SERINC5: variants seen among roughly 807,000 people sequenced by gnomAD.
SERINC5 encodes the protein serine incorporator 5.
SERINC5 carries 41 observed loss-of-function variants against 63.1 expected under a neutral mutation model. The ratio of observed to expected loss-of-function variants is 0.65; its 90% CI spans 0.51 to 0.84. The LOEUF is 0.84. Ranked by LOEUF, SERINC5 falls within the 40% of genes least tolerant of loss-of-function variation. The probability of loss-of-function intolerance (pLI) is 0.00; values close to 1 mark genes in which losing one functional copy is unlikely to be tolerated. For synonymous variants in SERINC5, 222 were observed against 215.2 expected, an observed-to-expected ratio of 1.03 and a Z score of -0.28; for missense variants, 523 against 573.0, an observed-to-expected ratio of 0.91 and a Z score of 0.89.
intron 7 of SERINC5, among the ~76,000 whole-genome samples, chr5:80,165,049 T>A (rs1747197549): frequency 6.6e-6 from 1 of 151,886 alleles, no homozygotes; most frequent in Non-Finnish European, 1.5e-5. Context: ...AGCCTTTTTT[T>A]TCTGTTTTAA....
intron 2 of SERINC5, among the ~76,000 whole-genome samples, chr5:80,196,440 T>C (rs1749504395): frequency 6.6e-6 from 1 of 152,184 alleles, no homozygotes; most frequent in Non-Finnish European, 1.5e-5. Flanking sequence ...CTGGTGGGAA[T>C]GGAAAATGAT....
intron 11 of SERINC5, among the ~76,000 whole-genome samples, chr5:80,131,185 G>A (rs182305019): frequency 1.1e-4 from 16 of 152,194 alleles, no homozygotes; most frequent in African/African-American, 3.4e-4. Flanking sequence ...AGAGGTAACT[G>A]AATCATGGGA....
intron 1 of SERINC5, among the ~76,000 whole-genome samples, chr5:80,223,742 G>A (rs1362317253): frequency 6.6e-6 from 1 of 152,206 alleles, no homozygotes; most frequent in Non-Finnish European, 1.5e-5. Context: ...GAGCTTGGCA[G>A]GGTGGGTAGC....
intron 2 of SERINC5, among the ~76,000 whole-genome samples, chr5:80,201,026 G>C (rs1015331109): frequency 3.9e-5 from 6 of 152,100 alleles, no homozygotes; most frequent in Non-Finnish European, 8.8e-5. Context: ...TTGAACCTGG[G>C]AGGCGGAGGC....
Position 80,187,123 on chromosome 5 carries a change from G to T in SERINC5, c.196-9059C>A, listed in dbSNP as rs1026978439. ...AGAGGTTGCAGTGAGCTGAGATCAC[G>T]CCACTGCACTCCAGCTTGGGTGACA... On this transcript the variant is annotated intron_variant, in intron 2 of 11. Transcript: ENST00000507668. Among the ~76,000 whole-genome samples the T allele has an allele frequency of 5.9e-5, 9 of 151,956 alleles. 1 individual carries two copies. The highest frequency in any genetic ancestry group is 1.9e-4 in the African/African-American group (8 of 41,336).
intron 11 of SERINC5, 89 bp from the exon 12 acceptor site, chr5:80,143,899 C>T: frequency 7.1e-7 from 1 of 1,413,138 alleles, no homozygotes; most frequent in Non-Finnish European, 9.5e-7. Context: ...ATGTATAATT[C>T]AACGGCTTTC....
intron 1 of SERINC5, among the ~76,000 whole-genome samples, chr5:80,222,944 C>T (rs970569862): frequency 3.3e-4 from 50 of 152,128 alleles, no homozygotes; most frequent in Non-Finnish European, 1.0e-4. Flanking sequence ...ACTGCAGCCT[C>T]GACCTCCTGG....
intron 2 of SERINC5, among the ~76,000 whole-genome samples, chr5:80,181,124 C>G (rs540154785): frequency 1.2e-3 from 186 of 152,158 alleles, no homozygotes; most frequent in African/African-American, 4.3e-3. Flanking sequence ...GGGCAAGGTG[C>G]GAGGGGACAG....
intron 8 of SERINC5, among the ~76,000 whole-genome samples, chr5:80,156,637 A>C (rs1005762752): frequency 6.6e-6 from 1 of 152,222 alleles, no homozygotes; most frequent in Non-Finnish European, 1.5e-5. Context: ...TTACGAATTC[A>C]ATAACAATGT....
intron 1 of SERINC5, among the ~76,000 whole-genome samples, chr5:80,230,199 G>A (rs1281832477): frequency 3.9e-5 from 6 of 152,076 alleles, no homozygotes; most frequent in Non-Finnish European, 5.9e-5. Context: ...GGCCAGGCAC[G>A]GTGGTTCATA....
intron 1 of SERINC5, among the ~76,000 whole-genome samples, chr5:80,247,994 G>GCA (rs1307321342): frequency 6.6e-6 from 1 of 151,708 alleles, no homozygotes; most frequent in Admixed American, 6.6e-5. Flanking sequence ...GACTATATAG[G>GCA]CACACACACC....
intron 5 of SERINC5, 63 bp from the exon 6 acceptor site, chr5:80,169,609 T>C: frequency 7.4e-7 from 1 of 1,348,424 alleles, no homozygotes; most frequent in South Asian, 1.3e-5. Flanking sequence ...AGCCCACCAT[T>C]CTGCGGTAAC....
At chr5:80,219,054 C>A (rs905235847) in intron 1 of SERINC5, among the ~76,000 whole-genome samples, 21 of 152,308 alleles carry the variant, frequency 1.4e-4, no homozygotes, top group African/African-American at 4.8e-4. Context: ...ATATTTTTCA[C>A]ATAAATACAT....
At chr5:80,197,188 A>C (rs1749558868) in intron 2 of SERINC5, among the ~76,000 whole-genome samples, 1 of 151,996 alleles carries the variant, frequency 6.6e-6, no homozygotes, top group African/African-American at 2.4e-5. Flanking sequence ...GTCTCTACTA[A>C]AATTATAAAA....
downstream of SERINC5, among the ~76,000 whole-genome samples, chr5:80,138,499 G>C (rs1047334523): frequency 6.6e-6 from 1 of 152,106 alleles, no homozygotes; most frequent in African/African-American, 2.4e-5. Context: ...GGGAGGTTGA[G>C]GCAAGAGAAT....
At chr5:80,221,115 G>A (rs1209919369) in intron 1 of SERINC5, among the ~76,000 whole-genome samples, 1 of 152,166 alleles carries the variant, frequency 6.6e-6, no homozygotes, top group Non-Finnish European at 1.5e-5. Context: ...GGGGGCTCAT[G>A]AACAGCTGCC....
At chr5:80,134,251 C>A (rs150977310), downstream of SERINC5, among the ~76,000 whole-genome samples, 1 of 151,960 alleles carries the variant, frequency 6.6e-6, no homozygotes, top group African/African-American at 2.4e-5. Flanking sequence ...GTTGGAAGGC[C>A]GAGGCAGGCA....
chr5:80,212,524 A>G (rs1241699320), intron 1 of SERINC5, among the ~76,000 whole-genome samples: 1 of 152,056 alleles, frequency 6.6e-6, no homozygotes, highest in Non-Finnish European at 1.5e-5. Flanking sequence ...ACACTTCTCT[A>G]CTTTGGAGAG....
intron 1 of SERINC5, among the ~76,000 whole-genome samples, chr5:80,214,583 C>T (rs1750581934): frequency 6.7e-6 from 1 of 150,046 alleles, no homozygotes; most frequent in Non-Finnish European, 1.5e-5. Flanking sequence ...AACAAAAAAA[C>T]ACCTCCTGTA....
Sources: allele counts gnomAD v4.1 joint callset (sites outside exome capture counted in the v4.1 genomes callset), GRCh38; gene constraint gnomAD v4.1.1; transcripts MANE v1.5; gene names NCBI Gene and HGNC (gene_info 2026-07-23, HGNC 2026-07-21).